Variants in DNAH11 observed in about 807,000 individuals in gnomAD.
DNAH11 encodes the protein dynein axonemal heavy chain 11, also known as axonemal beta dynein heavy chain 11.
In DNAH11, 442 loss-of-function variants were observed where a neutral mutation model predicts 526.0. The ratio of observed to expected loss-of-function variants is 0.84; its 90% CI spans 0.78 to 0.91. The LOEUF (loss-of-function observed/expected upper bound fraction) is 0.91. DNAH11 is among the 40% of genes least tolerant of loss of function. DNAH11 has a pLI of 0.00. For synonymous variants in DNAH11, 2,461 were observed against 1,935.9 expected (o/e 1.27, Z -7.12); for missense variants, 6,989 against 5,448.7 (o/e 1.28, Z -8.90).
At chr7:21,591,146 A>T (rs542565661) in intron 13 of DNAH11, 39 bp from the exon 14 acceptor site, 2 of 1,525,738 alleles carry the variant, frequency 1.3e-6, no homozygotes, top group Non-Finnish European at 1.7e-6. Flanking sequence ...AATAGCTAAC[A>T]TATTTGGCAC....
chr7:21,744,944 T>C lies in DNAH11; in HGVS notation c.8391T>C (p.His2797=). The change falls in exon 51 of 82, where the codon CAT becomes CAC. Residue 2797 remains histidine (H), a synonymous_variant. Transcript: ENST00000409508. ...CHFADRGKDP[H]YMPVKDWEVL... ...TTGCTGATAGAGGGAAGGACCCACA[T>C]TACATGCCAGTGAAGGACTGGGAAG... The C allele has an allele frequency of 1.2e-6, 2 of 1,610,820 alleles. No individual in the cohort carries two copies. Among genetic ancestry groups the C allele is most frequent in the Non-Finnish European group, 1.7e-6 (2 of 1,178,522 alleles).
At chr7:21,801,872 T>C (rs12700305) in intron 62 of DNAH11, among the ~76,000 whole-genome samples, 25,223 of 152,242 alleles carry the variant, frequency 0.17, 2,416 homozygotes, top group Non-Finnish European at 0.22. Flanking sequence ...TTAATAGTTA[T>C]TCCATTAGAT....
intron 61 of DNAH11, among the ~76,000 whole-genome samples, chr7:21,793,414 G>T (rs930157103): frequency 6.6e-6 from 1 of 151,860 alleles, no homozygotes; most frequent in African/African-American, 2.4e-5. Context: ...TCAGGAGATT[G>T]AGACCATCCT....
At chr7:21,599,626 C>T (rs1319872023) in intron 14 of DNAH11, among the ~76,000 whole-genome samples, 161 bp from the exon 15 acceptor site, 1 of 152,210 alleles carries the variant, frequency 6.6e-6, no homozygotes, top group Non-Finnish European at 1.5e-5. Context: ...CTGCTTAGAT[C>T]TTTGACATCT....
At chr7:21,565,930 G>A (rs1783649184) in intron 6 of DNAH11, among the ~76,000 whole-genome samples, 1 of 152,094 alleles carries the variant, frequency 6.6e-6, no homozygotes, top group South Asian at 2.1e-4. Flanking sequence ...TTCAATATCT[G>A]TTACTCTGTT....
At chr7:21,685,787 T>C (rs760474465) in intron 32 of DNAH11, among the ~76,000 whole-genome samples, 4 of 152,184 alleles carry the variant, frequency 2.6e-5, no homozygotes, top group Non-Finnish European at 5.9e-5. Flanking sequence ...CTAAACATGG[T>C]TTCCACATGT....
At chr7:21,821,136 C>T (rs1028533217) in intron 65 of DNAH11, among the ~76,000 whole-genome samples, 6 of 152,040 alleles carry the variant, frequency 3.9e-5, no homozygotes, top group African/African-American at 1.2e-4. Flanking sequence ...TTTTCTTCTG[C>T]CTTCTGTCAG....
At chr7:21,663,260 A>G (rs1347303804) in intron 30 of DNAH11, among the ~76,000 whole-genome samples, 1 of 152,034 alleles carries the variant, frequency 6.6e-6, no homozygotes, top group Non-Finnish European at 1.5e-5. Flanking sequence ...TAAGTTTGCT[A>G]TTGTGAATAG....
intron 50 of DNAH11, 90 bp from the exon 51 acceptor site, chr7:21,744,780 G>T: frequency 6.7e-7 from 1 of 1,489,010 alleles, no homozygotes; most frequent in Non-Finnish European, 9.0e-7. Context: ...GTGTGGGTCT[G>T]CAAGCTTTTC....
intron 45 of DNAH11, among the ~76,000 whole-genome samples, chr7:21,730,417 T>C (rs1301437787): frequency 1.3e-5 from 2 of 152,194 alleles, no homozygotes; most frequent in African/African-American, 4.8e-5. Flanking sequence ...AACCAGTAAG[T>C]ATAATGCAAA....
Position 21,861,833 on chromosome 7 carries a change from G to A in DNAH11, c.11203-20G>A. ...CAGGCACCAGTTGTCACATTTTAAT[G>A]GTCACATTAAATTTCCCAGGCTTTT... is the stretch of plus-strand genomic sequence containing the variant. On this transcript the variant is annotated intron_variant, in intron 68 of 81. Coordinates refer to ENST00000409508, the MANE Select transcript of DNAH11 (RefSeq NM_001277115.2). The A allele has an allele frequency of 6.2e-7, 1 of 1,609,658 alleles. No homozygotes were observed. The highest frequency in any genetic ancestry group is 8.5e-7 in the Non-Finnish European group (1 of 1,178,308).
At chr7:21,566,257 C>A (rs1326011144) in intron 6 of DNAH11, among the ~76,000 whole-genome samples, 1 of 152,110 alleles carries the variant, frequency 6.6e-6, no homozygotes, top group Admixed American at 6.6e-5. Flanking sequence ...CTGCCAAGCT[C>A]CTGATAAAAT....
At position 21,816,721 on chromosome 7, in the gene DNAH11, G is replaced by T; in HGVS notation, c.10568+19G>T. ...AGAAAGGGTATGTGAAGTTTGAAGA[G>T]ACTGGCTTTCTGTTTACCTGCTGTG... On this transcript the variant is annotated intron_variant, in intron 64 of 81. Transcript: ENST00000409508. 1 of 1,606,040 alleles carries T rather than the reference G, an allele frequency of 6.2e-7. No individual in the cohort carries two copies. Among genetic ancestry groups the T allele is most frequent in the South Asian group, 1.1e-5 (1 of 90,122 alleles).
chr7:21,728,197 A>G (rs2128486445), intron 45 of DNAH11, among the ~76,000 whole-genome samples: 1 of 148,626 alleles, frequency 6.7e-6, no homozygotes, highest in Middle Eastern at 3.6e-3. Context: ...AGTCCTGTTA[A>G]CATACAAAAT....
chr7:21,707,241 C>T (rs1382992757), intron 39 of DNAH11, among the ~76,000 whole-genome samples: 1 of 152,196 alleles, frequency 6.6e-6, no homozygotes. Flanking sequence ...ATTACTGGCC[C>T]CACCTCAGAC....
At chr7:21,638,166 A>G (rs960387713) in intron 27 of DNAH11, among the ~76,000 whole-genome samples, 20 of 152,264 alleles carry the variant, frequency 1.3e-4, no homozygotes, top group African/African-American at 4.1e-4. Context: ...ATTTAATTCT[A>G]TAAGAGTTAG....
Position 21,558,998 on chromosome 7 carries a change from AGTAC to A in DNAH11, c.692+4_692+7del, listed in dbSNP as rs758038452. 6.4e-7 allele frequency: 1 copy of A among 1,564,328 alleles called. No individual in the cohort carries two copies. Among genetic ancestry groups the A allele is most frequent in the South Asian group, 1.2e-5 (1 of 84,976 alleles). The stretch of plus-strand genomic sequence containing the variant: ...CTGGATCAGAATTGTTCAGAGAACA[AGTAC>A]GTAACAGTACAATATATACAGGATA... On this transcript the variant is annotated splice_donor_variant and splice_donor_region_variant and intron_variant, in intron 3 of 81. Transcript: ENST00000409508. LOFTEE classifies it high-confidence loss of function.
chr7:21,756,272 A>C (rs1447711464), intron 54 of DNAH11, among the ~76,000 whole-genome samples: 1 of 152,078 alleles, frequency 6.6e-6, no homozygotes, highest in East Asian at 1.9e-4. Context: ...ACCGTTTATT[A>C]TATAATCTCT....
At chr7:21,850,341 G>GC (rs377660383) in intron 66 of DNAH11, among the ~76,000 whole-genome samples, 14,154 of 142,398 alleles carry the variant, frequency 0.099, 2,054 homozygotes, top group African/African-American at 0.31. Context: ...GGGCGACAGA[G>GC]GAGACTCTGT....
Sources: allele counts gnomAD v4.1 joint callset (sites outside exome capture counted in the v4.1 genomes callset), GRCh38; gene constraint gnomAD v4.1.1; transcripts MANE v1.5; gene names NCBI Gene and HGNC (gene_info 2026-07-23, HGNC 2026-07-21).